The following PALS2 variants were observed in gnomAD, a reference collection of about 807,000 sequenced individuals.
PALS2 encodes the protein protein PALS2.
PALS2 carries 27 observed loss-of-function variants against 61.6 expected under a neutral mutation model. The ratio of observed to expected loss-of-function variants is 0.44; its 90% CI spans 0.32 to 0.60. The LOEUF is 0.60. PALS2 is among the 20% of genes least tolerant of loss of function. The pLI is 0.05. For missense variants in PALS2, 554 were observed against 639.4 expected (o/e 0.87, Z 1.44); for synonymous variants, 236 against 218.6 (o/e 1.08, Z -0.70).
intron 11 of PALS2, among the ~76,000 whole-genome samples, chr7:24,686,044 T>G (rs552201549): frequency 4.6e-5 from 7 of 152,184 alleles, no homozygotes; most frequent in African/African-American, 1.4e-4. Flanking sequence ...ACACTTTGTT[T>G]CCCCCAGAAA....
At chr7:24,671,925 A>G (rs1424783141) in intron 9 of PALS2, among the ~76,000 whole-genome samples, 2 of 151,670 alleles carry the variant, frequency 1.3e-5, no homozygotes, top group African/African-American at 2.4e-5. Flanking sequence ...CCAGTCCCAC[A>G]TTGTCTCGAT....
intron 6 of PALS2, 139 bp from the exon 7 acceptor site, chr7:24,665,449 C>A: frequency 1.5e-6 from 1 of 647,428 alleles, no homozygotes; most frequent in Non-Finnish European, 2.7e-6. Flanking sequence ...TCTTAACTGA[C>A]AATGCTATGG....
intron 1 of PALS2, among the ~76,000 whole-genome samples, chr7:24,601,618 C>CTT (rs539169189): frequency 6.6e-6 from 1 of 150,908 alleles, no homozygotes; most frequent in East Asian, 1.9e-4. Flanking sequence ...AGCAGCATGT[C>CTT]TTTTTTTTTG....
Position 24,581,244 on chromosome 7 carries a change from CGTGTGTGTGTGTGTGT to C in PALS2, c.-3+7682_-3+7697del, listed in dbSNP as rs55768123. 6.0e-3 allele frequency among the ~76,000 whole-genome samples: 861 copies of C among 143,126 alleles called. 6 individuals are homozygous for C. Among genetic ancestry groups the C allele is most frequent in the African/African-American group, 0.019 (712 of 38,454 alleles). The allele number at this position is 143,126 out of a possible 152,430, so 93.9% of individuals were successfully genotyped here. A position where few individuals can be genotyped will look rare whatever the true frequency, so the allele number is the denominator to read the frequency against. The stretch of plus-strand genomic sequence containing the variant: ...CAGCTCTGTGTCTTTCATTTCCCCA[CGTGTGTGTGTGTGTGT>C]GTGTGTGTGTGTGTGTGTGTGTGTG... On this transcript the variant is annotated intron_variant, in intron 1 of 11. Coordinates refer to ENST00000222644, the MANE Select transcript of PALS2 (RefSeq NM_001303037.2).
Position 24,679,153 on chromosome 7 carries a change from A to G in PALS2, c.1137A>G (p.Glu379=). 1 of 1,613,938 alleles carries G rather than the reference A, an allele frequency of 6.2e-7. No homozygotes were observed. Among genetic ancestry groups the G allele is most frequent in the Non-Finnish European group, 8.5e-7 (1 of 1,179,792 alleles). The change falls in exon 10 of 12, where the codon GAA becomes GAG. Residue 379 remains glutamate (E), a synonymous_variant. Coordinates refer to ENST00000222644, the MANE Select transcript of PALS2 (RefSeq NM_001303037.2). ...TAGTTACTTCACGGAAACCAAGGGA[A>G]GATGAAAAAGATGGCCAGGCATATA... is the stretch of plus-strand genomic sequence containing the variant. ...TVPFTSRKPR[E]DEKDGQAYKF... is the part of the protein sequence containing the mutation.
intron 1 of PALS2, among the ~76,000 whole-genome samples, chr7:24,622,683 CTTTTTTT>C (rs70942815): frequency 3.7e-5 from 5 of 135,698 alleles, no homozygotes; most frequent in East Asian, 2.1e-4. Context: ...TTTCTTTTTT[CTTTTTTT>C]TTTTTTTGCT....
chr7:24,675,212 T>C lies in PALS2; in HGVS notation c.1115-3919T>C, dbSNP rs192134973. Among the ~76,000 whole-genome samples the C allele has an allele frequency of 4.0e-4, 61 of 152,270 alleles. 1 individual carries two copies. Among genetic ancestry groups the C allele is most frequent in the Middle Eastern group, 3.4e-3 (1 of 294 alleles). On this transcript the variant is annotated intron_variant, in intron 9 of 11. Transcript: ENST00000222644. ...GAGGTAATACATGTGCATATACATA[T>C]TTATTTCAAGCAGCGCATTCCCCTA...
At chr7:24,574,812 G>C (rs759578093) in intron 1 of PALS2, among the ~76,000 whole-genome samples, 8 of 152,088 alleles carry the variant, frequency 5.3e-5, no homozygotes, top group Non-Finnish European at 1.0e-4. Context: ...AACTTATGTT[G>C]GTCGAATATA....
chr7:24,649,877 T>C (rs1324427098), intron 4 of PALS2, 113 bp downstream of exon 4: 1 of 1,054,556 alleles, frequency 9.5e-7, no homozygotes, highest in Non-Finnish European at 1.3e-6. Flanking sequence ...AAAACTGTAT[T>C]CTTGTTTGGC....
intron 2 of PALS2, among the ~76,000 whole-genome samples, chr7:24,635,571 C>G (rs1583914667): frequency 6.6e-6 from 1 of 152,222 alleles, no homozygotes; most frequent in East Asian, 1.9e-4. Flanking sequence ...CTATAACCTC[C>G]AGTACAAATG....
chr7:24,648,423 G>T (rs9654976), intron 3 of PALS2, among the ~76,000 whole-genome samples: 3,529 of 150,646 alleles, frequency 0.023, 160 homozygotes, highest in African/African-American at 0.082. Flanking sequence ...CTCCCGAGTA[G>T]CTGGGATTAC....
rs1030166647 is a variant in PALS2, at chr7:24,655,094, T to C, written c.651+4382T>C. On this transcript the variant is annotated intron_variant, in intron 5 of 11. Transcript: ENST00000222644. Reference sequence around the variant, plus strand: ...TATACCATTAAGTTGGTAAAAATTATAGCTGTGAATCAACAGCATCTTTTC... The same window carrying C: ...TATACCATTAAGTTGGTAAAAATTACAGCTGTGAATCAACAGCATCTTTTC... Among the ~76,000 whole-genome samples the C allele has an allele frequency of 3.9e-5, 6 of 152,338 alleles. No homozygotes were observed. The South Asian group carries it at 1.2e-3, about 32-fold the overall frequency.
intron 6 of PALS2, among the ~76,000 whole-genome samples, chr7:24,664,607 C>T (rs985426845): frequency 1.3e-5 from 2 of 152,098 alleles, no homozygotes; most frequent in African/African-American, 2.4e-5. Flanking sequence ...AGAAACAAAT[C>T]ACAGAATGAG....
At chr7:24,584,712 G>A (rs1365072439) in intron 1 of PALS2, among the ~76,000 whole-genome samples, 1 of 151,922 alleles carries the variant, frequency 6.6e-6, no homozygotes, top group Non-Finnish European at 1.5e-5. Context: ...ATTGCTTTTG[G>A]TGTTTTAGAC....
intron 1 of PALS2, among the ~76,000 whole-genome samples, chr7:24,574,644 C>T (rs1444328268): frequency 6.6e-6 from 1 of 152,104 alleles, no homozygotes; most frequent in Non-Finnish European, 1.5e-5. Flanking sequence ...TTCTTTCCTA[C>T]GCCTTTGGAG....
rs1238495372 is a variant in PALS2 at position 24,596,464 on chromosome 7, T to G, written c.-3+22871T>G. 6.6e-6 allele frequency among the ~76,000 whole-genome samples: 1 copy of G among 152,218 alleles called. No individual in the cohort carries two copies. The highest frequency in any genetic ancestry group is 6.6e-5 in the Admixed American group (1 of 15,260). On this transcript the variant is annotated intron_variant, in intron 1 of 11. Coordinates refer to ENST00000222644, the MANE Select transcript of PALS2 (RefSeq NM_001303037.2). The surrounding 1 kb of genome is among the most constrained non-coding windows in gnomAD (Gnocchi z 4.5). ...AATTACATAGTTTTGGGATTCAAAT[T>G]AGAACATTTGATAAAATATCTCAGT...
At chr7:24,684,531 G>T (rs924831654) in intron 11 of PALS2, among the ~76,000 whole-genome samples, 1 of 152,100 alleles carries the variant, frequency 6.6e-6, no homozygotes, top group Non-Finnish European at 1.5e-5. Flanking sequence ...GCCCAGACCT[G>T]GAACCAGCCA....
chr7:24,692,346 A>T lies in PALS2; in HGVS notation c.*4732A>T, dbSNP rs1265551916. ...GACTGTGTGATCTTCGATGAAATTT[A>T]TATTTCCCTTTATCATTACTATTCT... On this transcript the variant is annotated 3_prime_UTR_variant, in exon 12 of 12. Transcript: ENST00000222644. 1 of 152,208 alleles carries T rather than the reference A, an allele frequency of 6.6e-6. No individual in the cohort carries two copies. The highest frequency in any genetic ancestry group is 1.5e-5 in the Non-Finnish European group (1 of 68,020). The allele number at this position is 152,208 out of a possible 1,614,324, so 9.4% of individuals were successfully genotyped here. A position where few individuals can be genotyped will look rare whatever the true frequency, so the allele number is the denominator to read the frequency against.
In PALS2 at chr7:24,673,016, A is replaced by G. The variant is rs150371058; in HGVS notation, c.1114+4356A>G. 5.5e-4 allele frequency among the ~76,000 whole-genome samples: 84 copies of G among 152,250 alleles called. 2 individuals are homozygous for G. The East Asian group carries it at 0.013, about 23-fold the overall frequency. ...TTAAGGAGAAAGGAGAAAGCATTCA[A>G]TCTTTCCATTTTAGCTGTGGGTTTT... On this transcript the variant is annotated intron_variant, in intron 9 of 11. Coordinates refer to ENST00000222644, the MANE Select transcript of PALS2 (RefSeq NM_001303037.2).
Sources: allele counts gnomAD v4.1 joint callset (sites outside exome capture counted in the v4.1 genomes callset), GRCh38; gene constraint gnomAD v4.1.1; non-coding constraint Gnocchi (gnomAD v3.1); transcripts MANE v1.5; gene names NCBI Gene and HGNC (gene_info 2026-07-23, HGNC 2026-07-21).